Variants in MYO1D observed in about 807,000 individuals in gnomAD.
MYO1D encodes myosin ID.
MYO1D carries 83 observed loss-of-function variants against 122.0 expected under a neutral mutation model. The ratio of observed to expected loss-of-function variants is 0.68; its 90% confidence interval spans 0.57 to 0.82. MYO1D has a LOEUF of 0.82. Ranked by LOEUF, MYO1D falls within the 40% of genes least tolerant of loss-of-function variation. MYO1D has a pLI of 0.00. For missense variants in MYO1D, 1,157 were observed against 1,269.5 expected (o/e 0.91, Z 1.35); for synonymous variants, 464 against 446.9 (o/e 1.04, Z -0.48).
At chr17:32,704,635 CA>C (rs2089284539) in intron 16 of MYO1D, among the ~76,000 whole-genome samples, 1 of 152,168 alleles carries the variant, frequency 6.6e-6, no homozygotes, top group Non-Finnish European at 1.5e-5. Flanking sequence ...GTAATAACAG[CA>C]GCTAACATTC....
chr17:32,683,489 G>A (rs554086243), intron 16 of MYO1D, among the ~76,000 whole-genome samples: 1 of 152,204 alleles, frequency 6.6e-6, no homozygotes, highest in South Asian at 2.1e-4. Context: ...TCAGCTGCAG[G>A]TCTGTTGGAA....
intron 21 of MYO1D, among the ~76,000 whole-genome samples, chr17:32,571,722 A>C (rs2087230333): frequency 6.6e-6 from 1 of 152,206 alleles, no homozygotes; most frequent in Non-Finnish European, 1.5e-5. Context: ...CTGTTCAATT[A>C]ATTTTGGGAA....
chr17:32,803,652 A>G (rs542438952), intron 1 of MYO1D, among the ~76,000 whole-genome samples: 1 of 152,342 alleles, frequency 6.6e-6, no homozygotes, highest in South Asian at 2.1e-4. Context: ...AAGTTCTAAC[A>G]ACATAAATAG....
At chr17:32,802,809 C>T (rs567768133) in intron 1 of MYO1D, among the ~76,000 whole-genome samples, 1 of 152,228 alleles carries the variant, frequency 6.6e-6, no homozygotes, top group South Asian at 2.1e-4. Context: ...CTGTGATCAA[C>T]CAACTAATTT....
chr17:32,613,454 A>G (rs2087729076), intron 20 of MYO1D, among the ~76,000 whole-genome samples: 1 of 152,174 alleles, frequency 6.6e-6, no homozygotes, highest in Admixed American at 6.5e-5. Context: ...TATATTCACA[A>G]GGGTAAGGGT....
At chr17:32,562,282 A>T (rs527870079) in intron 21 of MYO1D, among the ~76,000 whole-genome samples, 120 of 152,230 alleles carry the variant, frequency 7.9e-4, no homozygotes, top group South Asian at 1.2e-3. Context: ...TTACACACAT[A>T]AAAAAACTTA....
chr17:32,645,548 C>T (rs1404918904), intron 19 of MYO1D, among the ~76,000 whole-genome samples: 2 of 152,146 alleles, frequency 1.3e-5, no homozygotes, highest in African/African-American at 2.4e-5. Flanking sequence ...ACCAATCAGA[C>T]GGAGATTTGG....
intron 15 of MYO1D, among the ~76,000 whole-genome samples, chr17:32,718,950 A>G (rs2089478075): frequency 6.6e-6 from 1 of 152,174 alleles, no homozygotes; most frequent in Non-Finnish European, 1.5e-5. Context: ...TCCAGGTATG[A>G]AAGTCTAATG....
chr17:32,707,086 G>T (rs948070974), intron 16 of MYO1D, among the ~76,000 whole-genome samples: 1 of 151,972 alleles, frequency 6.6e-6, no homozygotes, highest in African/African-American at 2.4e-5. Flanking sequence ...TTTTCACATC[G>T]AAGAGTTTAC....
intron 3 of MYO1D, among the ~76,000 whole-genome samples, chr17:32,776,369 CGT>C (rs1004098122): frequency 1.1e-4 from 16 of 151,444 alleles, no homozygotes; most frequent in Non-Finnish European, 1.9e-4. Flanking sequence ...TGTATGTTCA[CGT>C]GTGTGTGTGT....
At chr17:32,606,679 C>A (rs1046894236) in intron 20 of MYO1D, among the ~76,000 whole-genome samples, 2 of 152,142 alleles carry the variant, frequency 1.3e-5, no homozygotes, top group Non-Finnish European at 2.9e-5. Context: ...CTCAGCAAAC[C>A]AGGATTATAA....
intron 16 of MYO1D, among the ~76,000 whole-genome samples, chr17:32,696,738 T>C (rs914567690): frequency 6.6e-5 from 10 of 152,250 alleles, no homozygotes; most frequent in Non-Finnish European, 2.9e-5. Flanking sequence ...TCCTGTGATA[T>C]GGAAAGGCTG....
At chr17:32,597,636 C>T (rs1252508850) in intron 21 of MYO1D, among the ~76,000 whole-genome samples, 2 of 152,078 alleles carry the variant, frequency 1.3e-5, no homozygotes, top group African/African-American at 4.8e-5. Context: ...CTTTGGGAGG[C>T]TGAGGCGGGT....
At chr17:32,825,310 G>T (rs759561755) in intron 1 of MYO1D, among the ~76,000 whole-genome samples, 7 of 149,466 alleles carry the variant, frequency 4.7e-5, no homozygotes, top group South Asian at 2.1e-4. Flanking sequence ...TTATTTTTTT[G>T]ACACAGTGTT....
At chr17:32,826,584 GAATAC>G (rs1433127945) in intron 1 of MYO1D, among the ~76,000 whole-genome samples, 1 of 152,096 alleles carries the variant, frequency 6.6e-6, no homozygotes, top group Non-Finnish European at 1.5e-5. Context: ...TAATAAAACT[GAATAC>G]AATGTAATTT....
chr17:32,721,270 A>C, intron 14 of MYO1D, 81 bp from the exon 15 acceptor site: 3 of 1,326,794 alleles, frequency 2.3e-6, no homozygotes, highest in Non-Finnish European at 3.2e-6. Context: ...ATTAGTGTTA[A>C]TTGTGTCAAG....
intron 16 of MYO1D, among the ~76,000 whole-genome samples, chr17:32,692,082 A>C (rs1018987756): frequency 6.6e-6 from 1 of 152,210 alleles, no homozygotes; most frequent in African/African-American, 2.4e-5. Flanking sequence ...CAGTTGCTGA[A>C]ATTTTTAAAA....
intron 21 of MYO1D, among the ~76,000 whole-genome samples, chr17:32,500,209 T>A (rs1234525995): frequency 6.6e-6 from 1 of 152,168 alleles, no homozygotes; most frequent in Non-Finnish European, 1.5e-5. Context: ...CAGGCCTCAG[T>A]CCATCTGCTG....
intron 16 of MYO1D, among the ~76,000 whole-genome samples, chr17:32,677,472 C>A (rs1193899535): frequency 7.9e-5 from 12 of 151,692 alleles, no homozygotes; most frequent in Admixed American, 5.9e-4. Flanking sequence ...TAGGTCAGCA[C>A]CTGGTCAGGC....
Sources: gnomAD v4.1 joint callset for allele counts (sites outside exome capture counted in the v4.1 genomes callset) on GRCh38, gnomAD v4.1.1 for gene constraint, MANE v1.5 for transcripts, NCBI Gene and HGNC (gene_info 2026-07-23, HGNC 2026-07-21) for gene names.